FAM120A: variants seen among roughly 807,000 people sequenced by gnomAD.
FAM120A encodes constitutive coactivator of PPAR-gamma-like protein 1.
Under a neutral mutation model 109.7 loss-of-function variants are expected in FAM120A, and 15 were observed. The observed-to-expected ratio is 0.14, with a 90% confidence interval of 0.09 to 0.21. FAM120A has a LOEUF of 0.21. FAM120A is among the 10% of genes least tolerant of loss of function. FAM120A has a pLI of 1.00. For synonymous variants in FAM120A, 493 were observed against 572.8 expected, an observed-to-expected ratio of 0.86 and a Z score of 1.99; for missense variants, 899 against 1,439.3, an observed-to-expected ratio of 0.62 and a Z score of 6.07.
chr9:93,462,961 T>C (rs1463223161), intron 1 of FAM120A, among the ~76,000 whole-genome samples: 1 of 152,210 alleles, frequency 6.6e-6, no homozygotes, highest in Non-Finnish European at 1.5e-5. Flanking sequence ...TTCATCCTTT[T>C]TGTCATTGTA....
chr9:93,546,927 C>T (rs1318577327), intron 11 of FAM120A, among the ~76,000 whole-genome samples: 2 of 152,174 alleles, frequency 1.3e-5, no homozygotes, highest in Non-Finnish European at 2.9e-5. Context: ...CTCATTGCTC[C>T]CTAAGGGAAT....
intron 3 of FAM120A, among the ~76,000 whole-genome samples, chr9:93,492,727 C>T (rs186785905): frequency 3.3e-5 from 5 of 152,190 alleles, no homozygotes; most frequent in South Asian, 2.1e-4. Context: ...TATAAACGGC[C>T]GGTGTTTTCG....
In FAM120A at chr9:93,498,317, C is replaced by A. The variant is rs1231385417; in HGVS notation, c.934-473C>A. On this transcript the variant is annotated intron_variant, in intron 4 of 17. Coordinates refer to ENST00000277165, the MANE Select transcript of FAM120A (RefSeq NM_014612.5). This position sits in a 1 kb window ranked among gnomAD's most constrained non-coding sequence, Gnocchi z 4.4. The stretch of plus-strand genomic sequence containing the variant: ...CTGAGGCAGGAGAATCGCTTGAAAC[C>A]GTAAGGCAGAGGCTGCAGTGAGCGG... 6.6e-6 allele frequency among the ~76,000 whole-genome samples: 1 copy of A among 152,170 alleles called. No homozygotes were observed. The highest frequency in any genetic ancestry group is 1.9e-4 in the East Asian group (1 of 5,204).
At chr9:93,489,136 C>T (rs1859201591) in intron 3 of FAM120A, among the ~76,000 whole-genome samples, 1 of 152,038 alleles carries the variant, frequency 6.6e-6, no homozygotes, top group Admixed American at 6.5e-5. Context: ...CATTTCAACA[C>T]TTAAAAAAAG....
chr9:93,474,410 T>C (rs930778848), intron 2 of FAM120A, among the ~76,000 whole-genome samples: 1 of 152,048 alleles, frequency 6.6e-6, no homozygotes, highest in Non-Finnish European at 1.5e-5. Context: ...TGAGAAAGCT[T>C]ATTTTTCTTT....
intron 3 of FAM120A, among the ~76,000 whole-genome samples, chr9:93,485,350 C>G (rs550638918): frequency 6.6e-6 from 1 of 152,178 alleles, no homozygotes; most frequent in South Asian, 2.1e-4. Context: ...AATCCTAACA[C>G]TTTGGGATGC....
At chr9:93,491,578 G>T (rs1859322607) in intron 3 of FAM120A, among the ~76,000 whole-genome samples, 1 of 152,174 alleles carries the variant, frequency 6.6e-6, no homozygotes, top group Admixed American at 6.5e-5. Context: ...TAATGATTCT[G>T]CCTGGAAGTA....
At chr9:93,495,226 G>A (rs925180013) in intron 3 of FAM120A, among the ~76,000 whole-genome samples, 1 of 152,128 alleles carries the variant, frequency 6.6e-6, no homozygotes, top group African/African-American at 2.4e-5. Flanking sequence ...CACAAACAAG[G>A]GCTGCCATAT....
Position 93,532,393 on chromosome 9 carries a change from T to C in FAM120A, c.1909+64T>C, listed in dbSNP as rs1345255245. On this transcript the variant is annotated intron_variant, in intron 10 of 17. Coordinates refer to ENST00000277165, the MANE Select transcript of FAM120A (RefSeq NM_014612.5). This position sits in a 1 kb window ranked among gnomAD's most constrained non-coding sequence, Gnocchi z 4.3. ...ACCTCGTAATCTCTTGTGCATTTTCTAAAGCCTTAGAAGAATCATGACTGA... is the reference window on the plus strand; with the variant it reads ...ACCTCGTAATCTCTTGTGCATTTTCCAAAGCCTTAGAAGAATCATGACTGA... The C allele has an allele frequency of 1.1e-5, 17 of 1,579,952 alleles. No individual in the cohort carries two copies. Among genetic ancestry groups the C allele is most frequent in the Non-Finnish European group, 1.5e-5 (17 of 1,149,906 alleles).
rs146154906 is a variant in FAM120A, at chr9:93,556,600, C to T, written c.2484+9C>T. On this transcript the variant is annotated intron_variant, in intron 13 of 17. Coordinates refer to ENST00000277165, the MANE Select transcript of FAM120A (RefSeq NM_014612.5). The stretch of plus-strand genomic sequence containing the variant: ...ACCTCTGTGATGGTCAGGTATGCTG[C>T]GGGGCCGGGTGGCTGCCTTTAACTG... 51 of 1,613,518 alleles carry T rather than the reference C, an allele frequency of 3.2e-5. No individual in the cohort carries two copies. The highest frequency in any genetic ancestry group is 6.7e-5 in the African/African-American group (5 of 75,034).
intron 14 of FAM120A, 110 bp from the exon 15 acceptor site, chr9:93,558,471 C>A: frequency 7.4e-7 from 1 of 1,351,292 alleles, no homozygotes; most frequent in Non-Finnish European, 1.0e-6. Flanking sequence ...GCCAGGAGAC[C>A]CCTCCATGGC....
chr9:93,491,436 A>G (rs1859315400), intron 3 of FAM120A, among the ~76,000 whole-genome samples: 1 of 152,212 alleles, frequency 6.6e-6, no homozygotes, highest in South Asian at 2.1e-4. Flanking sequence ...ACTGCAGAAC[A>G]TGTTTTTCAG....
At chr9:93,495,885 T>C (rs576009591) in intron 3 of FAM120A, among the ~76,000 whole-genome samples, 1 of 152,366 alleles carries the variant, frequency 6.6e-6, no homozygotes, top group East Asian at 1.9e-4. Flanking sequence ...AAATGTTTTA[T>C]GAAATTGGAG....
chr9:93,553,149 A>G (rs540670114), intron 12 of FAM120A, among the ~76,000 whole-genome samples: 4 of 152,164 alleles, frequency 2.6e-5, no homozygotes, highest in South Asian at 2.1e-4. Flanking sequence ...TTTTCCTGTT[A>G]TATTTTTTAA....
intron 1 of FAM120A, among the ~76,000 whole-genome samples, chr9:93,454,151 T>A (rs1282150585): frequency 6.6e-6 from 1 of 152,252 alleles, no homozygotes; most frequent in East Asian, 1.9e-4. Context: ...AAGCTCCATT[T>A]AAGATCGTCT....
At chr9:93,551,869 T>C (rs1041735128) in intron 12 of FAM120A, among the ~76,000 whole-genome samples, 2 of 152,378 alleles carry the variant, frequency 1.3e-5, no homozygotes, top group South Asian at 2.1e-4. Flanking sequence ...CTTTTCTGTT[T>C]GTTAGACAGA....
In FAM120A at chr9:93,557,967, T is replaced by A; in HGVS notation, c.2625T>A (p.Phe875Leu). 1 of 1,603,734 alleles carries A rather than the reference T, an allele frequency of 6.2e-7. No homozygotes were observed. The highest frequency in any genetic ancestry group is 8.5e-7 in the Non-Finnish European group (1 of 1,179,636). Residue 875 changes from phenylalanine to leucine, a missense_variant, in exon 14 of 18, where the codon TTT becomes TTA. This residue lies in a region of FAM120A where 129 missense variants were observed against 153.4 expected (regional missense o/e 0.84). Coordinates refer to ENST00000277165, the MANE Select transcript of FAM120A (RefSeq NM_014612.5). ...FYPASAYPRHFGPVPPSQGRG... is the reference protein window; with the variant it reads ...FYPASAYPRHLGPVPPSQGRG... The stretch of plus-strand genomic sequence containing the variant: ...CTGCCTCTGCGTACCCCCGGCACTT[T>A]GGGCCTGTCCCACCCTCTCAGGGCA...
At chr9:93,488,135 G>A (rs1163573126) in intron 3 of FAM120A, among the ~76,000 whole-genome samples, 1 of 152,112 alleles carries the variant, frequency 6.6e-6, no homozygotes, top group African/African-American at 2.4e-5. Context: ...GAACACATCT[G>A]GTGGGACCTC....
intron 5 of FAM120A, among the ~76,000 whole-genome samples, chr9:93,504,811 C>T (rs893341363): frequency 2.0e-5 from 3 of 152,108 alleles, no homozygotes; most frequent in Non-Finnish European, 4.4e-5. Flanking sequence ...CAGGGTAGGG[C>T]CCTGTTCAAG....
Sources: allele counts gnomAD v4.1 joint callset (sites outside exome capture counted in the v4.1 genomes callset), GRCh38; gene constraint gnomAD v4.1.1; regional missense constraint gnomAD v4.1.1; non-coding constraint Gnocchi (gnomAD v3.1); transcripts MANE v1.5; gene names NCBI Gene and HGNC (gene_info 2026-07-23, HGNC 2026-07-21).